Variants in GALNT10 observed in about 807,000 individuals in gnomAD.
The protein encoded by GALNT10 is polypeptide N-acetylgalactosaminyltransferase 10, also known as GalNAc transferase 10.
A neutral mutation model predicts 75.0 loss-of-function variants in GALNT10; 41 were observed. The observed-to-expected ratio is 0.55, with a 90% CI of 0.43 to 0.71. GALNT10 has a LOEUF of 0.71. Among genes scored for constraint, GALNT10 ranks in the 30% least tolerant of loss-of-function variants. The probability of loss-of-function intolerance (pLI) is 0.00; values close to 1 mark genes in which losing one functional copy is unlikely to be tolerated. For missense variants in GALNT10, 727 were observed against 818.5 expected (o/e 0.89, Z 1.36); for synonymous variants, 302 against 313.0 (o/e 0.96, Z 0.37).
At chr5:154,219,830 T>A (rs1228816256) in intron 1 of GALNT10, among the ~76,000 whole-genome samples, 18 of 75,676 alleles carry the variant, frequency 2.4e-4, no homozygotes, top group East Asian at 3.1e-3. Context: ...TCTCTCTCTC[T>A]CTCTCTCTCA....
intron 1 of GALNT10, among the ~76,000 whole-genome samples, chr5:154,228,319 G>C (rs932495007): frequency 1.3e-5 from 2 of 152,148 alleles, no homozygotes; most frequent in South Asian, 4.1e-4. Context: ...GGTATCATTG[G>C]TTGAGTAGAC....
chr5:154,200,067 G>C (rs1775002831), intron 1 of GALNT10, among the ~76,000 whole-genome samples: 1 of 152,340 alleles, frequency 6.6e-6, no homozygotes, highest in South Asian at 2.1e-4. Context: ...GCCACTGACT[G>C]GATGGTCTGG....
intron 1 of GALNT10, among the ~76,000 whole-genome samples, chr5:154,292,243 C>T (rs142391073): frequency 2.6e-5 from 4 of 152,246 alleles, no homozygotes; most frequent in Non-Finnish European, 4.4e-5. Context: ...AGAATCTCTT[C>T]GAGAGCTTGC....
At chr5:154,337,820 A>G (rs1265569237) in intron 4 of GALNT10, 7 of 997,212 alleles carry the variant, frequency 7.0e-6, no homozygotes, top group Non-Finnish European at 1.1e-5. Flanking sequence ...CACAACCACC[A>G]CCAAAGTTTC....
intron 4 of GALNT10, among the ~76,000 whole-genome samples, chr5:154,347,867 T>C (rs1200951664): frequency 6.6e-6 from 1 of 152,212 alleles, no homozygotes; most frequent in Non-Finnish European, 1.5e-5. Flanking sequence ...TTTTCCCCTC[T>C]AAAATAGAGT....
chr5:154,356,203 A>G (rs1379028425), intron 4 of GALNT10: 1 of 456,210 alleles, frequency 2.2e-6, no homozygotes. Flanking sequence ...GAGACCCTTC[A>G]GCATACGCAG....
At position 154,298,091 on chromosome 5, in the gene GALNT10, ATCTC is replaced by A. The variant is rs763598798; in HGVS notation, c.401+15_401+18del. On this transcript the variant is annotated intron_variant, in intron 3 of 11. Coordinates refer to ENST00000297107, the MANE Select transcript of GALNT10 (RefSeq NM_198321.4). The surrounding 1 kb of genome is among the most constrained non-coding windows in gnomAD (Gnocchi z 4.1). ...ATCCGGCACCCAAAGTGAGTGTAAC[ATCTC>A]TCAAATTCTGAGATCTAAGGATGTT... The A allele has an allele frequency of 8.7e-6, 14 of 1,609,752 alleles. No individual in the cohort carries two copies. Among genetic ancestry groups the A allele is most frequent in the Non-Finnish European group, 1.1e-5 (13 of 1,177,396 alleles).
At chr5:154,395,843 C>T (rs6875467) in intron 7 of GALNT10, among the ~76,000 whole-genome samples, 67,706 of 152,092 alleles carry the variant, frequency 0.45, 17,543 homozygotes, top group African/African-American at 0.71. Flanking sequence ...TTAGCATCAC[C>T]GGGGAACTTA....
intron 4 of GALNT10, among the ~76,000 whole-genome samples, chr5:154,341,906 C>T (rs74527725): frequency 1.3e-5 from 2 of 152,292 alleles, no homozygotes; most frequent in Non-Finnish European, 2.9e-5. Flanking sequence ...AGTCCCACCC[C>T]GTCCTTTCCC....
intron 1 of GALNT10, among the ~76,000 whole-genome samples, chr5:154,283,985 C>A (rs1047441189): frequency 9.2e-5 from 14 of 152,184 alleles, no homozygotes; most frequent in Non-Finnish European, 1.8e-4. Flanking sequence ...AAGGATATTA[C>A]AATAGGTTGG....
intron 4 of GALNT10, among the ~76,000 whole-genome samples, chr5:154,334,191 G>A (rs907124320): frequency 6.6e-6 from 1 of 152,240 alleles, no homozygotes; most frequent in African/African-American, 2.4e-5. Context: ...TCAGCTAAGG[G>A]TCGAGACCTC....
At chr5:154,216,467 A>G (rs762977763) in intron 1 of GALNT10, among the ~76,000 whole-genome samples, 1 of 152,214 alleles carries the variant, frequency 6.6e-6, no homozygotes, top group Non-Finnish European at 1.5e-5. Context: ...CTAAAACCAA[A>G]CAGAAAACTA....
rs182568151 is a variant in GALNT10 at position 154,338,334 on chromosome 5, C to A, written c.568+8596C>A. On this transcript the variant is annotated intron_variant, in intron 4 of 11. Transcript: ENST00000297107. ...ACCATTCCCCATTGCTCAAAATGCT[C>A]AAAAATTTGAGGCTGAGATTTGAGA... 8.0e-4 allele frequency: 406 copies of A among 507,664 alleles called. 1 individual carries two copies. The highest frequency in any genetic ancestry group is 1.2e-4 in the Non-Finnish European group (33 of 275,908). The allele number at this position is 507,664 out of a possible 1,614,324, so 31.4% of individuals were successfully genotyped here. A position where few individuals can be genotyped will look rare whatever the true frequency, so the allele number is the denominator to read the frequency against.
At chr5:154,191,667 G>C (rs899923881) in intron 1 of GALNT10, among the ~76,000 whole-genome samples, 1 of 152,244 alleles carries the variant, frequency 6.6e-6, no homozygotes, top group South Asian at 2.1e-4. Context: ...GGTGGAGAAG[G>C]GGGTAAGCTC....
At chr5:154,335,397 A>G (rs17115953) in intron 4 of GALNT10, among the ~76,000 whole-genome samples, 12,070 of 152,256 alleles carry the variant, frequency 0.079, 524 homozygotes, top group Middle Eastern at 0.18. Context: ...GGCAATGTAG[A>G]GTACAGAGAA....
chr5:154,362,322 G>T (rs1470950164), intron 4 of GALNT10, among the ~76,000 whole-genome samples: 2 of 152,122 alleles, frequency 1.3e-5, no homozygotes, highest in East Asian at 1.9e-4. Flanking sequence ...GGTTCAGAAT[G>T]CATAGACCTC....
At chr5:154,191,632 C>T (rs1289708671) in intron 1 of GALNT10, among the ~76,000 whole-genome samples, 2 of 152,198 alleles carry the variant, frequency 1.3e-5, no homozygotes, top group East Asian at 1.9e-4. Context: ...AGATCATGCT[C>T]CCTTTAAAGC....
At chr5:154,380,108 CT>C (rs1340768557) in intron 5 of GALNT10, among the ~76,000 whole-genome samples, 1 of 152,162 alleles carries the variant, frequency 6.6e-6, no homozygotes, top group East Asian at 1.9e-4. Flanking sequence ...GATCATTATG[CT>C]AATAATAAGG....
At position 154,329,701 on chromosome 5, in the gene GALNT10, C is replaced by G; in HGVS notation, c.531C>G (p.Val177=). The change falls in exon 4 of 12, where the codon GTC becomes GTG. Residue 177 remains valine (V), a synonymous_variant. Transcript: ENST00000297107. ...SVLNRSPPEL[V]AEIVLVDDFS... is the part of the protein sequence containing the mutation. Reference sequence around the variant, plus strand: ...TCAATCGCTCGCCTCCAGAGCTGGTCGCCGAGATTGTACTGGTCGACGACT... The same window carrying G: ...TCAATCGCTCGCCTCCAGAGCTGGTGGCCGAGATTGTACTGGTCGACGACT... 6.2e-7 allele frequency: 1 copy of G among 1,613,688 alleles called. No individual in the cohort carries two copies. Among genetic ancestry groups the G allele is most frequent in the Non-Finnish European group, 8.5e-7 (1 of 1,179,646 alleles).
Sources: gnomAD v4.1 joint callset for allele counts (sites outside exome capture counted in the v4.1 genomes callset) on GRCh38, gnomAD v4.1.1 for gene constraint, Gnocchi (gnomAD v3.1) non-coding constraint, MANE v1.5 for transcripts, NCBI Gene and HGNC (gene_info 2026-07-23, HGNC 2026-07-21) for gene names.